PRKCE: variants seen among roughly 807,000 people sequenced by gnomAD.
The protein encoded by PRKCE is protein kinase C epsilon type.
A neutral mutation model predicts 85.4 loss-of-function variants in PRKCE; 16 were observed. That is an observed-to-expected ratio of 0.19 (90% CI 0.13 to 0.28). The LOEUF is 0.28. Ranked by LOEUF, PRKCE falls within the 10% of genes least tolerant of loss-of-function variation. The pLI is 1.00. For missense variants in PRKCE, 573 were observed against 975.2 expected (o/e 0.59, Z 5.49); for synonymous variants, 388 against 371.5 (o/e 1.04, Z -0.51).
chr2:46,173,497 T>A (rs1195179629), intron 14 of PRKCE, among the ~76,000 whole-genome samples: 1 of 152,234 alleles, frequency 6.6e-6, no homozygotes, highest in African/African-American at 2.4e-5. Flanking sequence ...GCATTGAAAG[T>A]CTCCTTGAAA....
Position 45,976,532 on chromosome 2 carries a change from C to G in PRKCE, c.516C>G (p.Phe172Leu). The stretch of plus-strand genomic sequence containing the variant: ...TCCATCAGGTCAACGGCCACAAGTT[C>G]ATGGCCACCTATCTTCGGCAGCCCA... ...RRVHQVNGHK[F>L]MATYLRQPTY... The change falls in exon 3 of 15, where the codon TTC (phenylalanine) becomes TTG (leucine). Residue 172 changes from phenylalanine to leucine, a missense_variant. Phe to Leu is a conservative substitution (Grantham distance 22). Transcript: ENST00000306156. 6.3e-7 allele frequency: 1 copy of G among 1,599,772 alleles called. No individual in the cohort carries two copies. The highest frequency in any genetic ancestry group is 8.5e-7 in the Non-Finnish European group (1 of 1,179,960).
chr2:46,153,796 T>C (rs1242573140), intron 13 of PRKCE, among the ~76,000 whole-genome samples: 3 of 143,008 alleles, frequency 2.1e-5, no homozygotes, highest in African/African-American at 5.2e-5. Context: ...TTTTTTTTTT[T>C]TTTTTTTTGA....
intron 1 of PRKCE, among the ~76,000 whole-genome samples, chr2:45,811,832 G>A (rs1368759257): frequency 6.6e-6 from 1 of 152,058 alleles, no homozygotes; most frequent in Non-Finnish European, 1.5e-5. Context: ...TTATTTTAAA[G>A]CCTTAAAATA....
chr2:46,064,996 G>C (rs1038948259), intron 10 of PRKCE, among the ~76,000 whole-genome samples: 2 of 152,174 alleles, frequency 1.3e-5, no homozygotes, highest in African/African-American at 2.4e-5. Flanking sequence ...TCATGTTCTA[G>C]CTTGAGAAGC....
At chr2:45,752,615 C>G (rs574573583) in intron 1 of PRKCE, among the ~76,000 whole-genome samples, 83 of 152,210 alleles carry the variant, frequency 5.5e-4, no homozygotes, top group African/African-American at 1.9e-3. Flanking sequence ...CTTGCTCAGC[C>G]AGAACATTCT....
At chr2:45,802,995 T>C (rs1227769550) in intron 1 of PRKCE, among the ~76,000 whole-genome samples, 1 of 152,242 alleles carries the variant, frequency 6.6e-6, no homozygotes, top group Non-Finnish European at 1.5e-5. Flanking sequence ...CAACTTAGAT[T>C]GGAGCCATTT....
chr2:46,061,104 C>CTTTTTTTTTTTTT (rs565280374), intron 10 of PRKCE, among the ~76,000 whole-genome samples: 25 of 103,476 alleles, frequency 2.4e-4, no homozygotes, highest in South Asian at 3.6e-4. Context: ...CTTTTTTTTC[C>CTTTTTTTTTTTTT]TTTTTTTTTT....
chr2:46,031,272 C>G (rs1259691672), intron 10 of PRKCE, among the ~76,000 whole-genome samples: 2 of 152,200 alleles, frequency 1.3e-5, no homozygotes, highest in African/African-American at 4.8e-5. Flanking sequence ...GGCTCTCAGC[C>G]TGCTGTCTTC....
intron 9 of PRKCE, among the ~76,000 whole-genome samples, chr2:46,008,694 T>C (rs867759534): frequency 6.6e-6 from 1 of 152,220 alleles, no homozygotes; most frequent in Admixed American, 6.5e-5. Context: ...TGGGGTTTAC[T>C]TAAATGGCAA....
At chr2:46,097,237 G>A (rs1480262875) in intron 11 of PRKCE, among the ~76,000 whole-genome samples, 1 of 152,030 alleles carries the variant, frequency 6.6e-6, no homozygotes, top group Non-Finnish European at 1.5e-5. Flanking sequence ...CTGCAAAGTC[G>A]GCAGGGTGCA....
In PRKCE at chr2:46,145,265, G is replaced by T. The variant is rs1284072271; in HGVS notation, c.1731+34G>T. 7 of 1,598,548 alleles carry T rather than the reference G, an allele frequency of 4.4e-6. No homozygotes were observed. The highest frequency in any genetic ancestry group is 5.9e-6 in the Non-Finnish European group (7 of 1,179,238). On this transcript the variant is annotated intron_variant, in intron 12 of 14. Transcript: ENST00000306156. This position sits in a 1 kb window ranked among gnomAD's most constrained non-coding sequence, Gnocchi z 4.6. ...TGTGTGCAAAGGTTCACCTCCTCCT[G>T]GTGCCAGGACCGAGGCAGGGGTCCA...
intron 1 of PRKCE, among the ~76,000 whole-genome samples, chr2:45,740,153 A>T (rs1268143868): frequency 4.0e-5 from 6 of 151,774 alleles, no homozygotes; most frequent in Non-Finnish European, 5.9e-5. Context: ...ATCTCAAAAA[A>T]AAAAAAAGGA....
intron 6 of PRKCE, among the ~76,000 whole-genome samples, chr2:45,986,782 G>A (rs1703360830): frequency 6.6e-6 from 1 of 152,090 alleles, no homozygotes; most frequent in East Asian, 1.9e-4. Flanking sequence ...TGAGCTTCCC[G>A]GCACCCCTGG....
At chr2:46,086,651 T>G (rs1440506810) in intron 11 of PRKCE, among the ~76,000 whole-genome samples, 1 of 152,108 alleles carries the variant, frequency 6.6e-6, no homozygotes, top group Admixed American at 6.5e-5. Flanking sequence ...GTGACCTTCG[T>G]TTTTCTCTCT....
At chr2:46,126,777 A>T (rs1673910032) in intron 11 of PRKCE, among the ~76,000 whole-genome samples, 1 of 152,168 alleles carries the variant, frequency 6.6e-6, no homozygotes, top group Admixed American at 6.5e-5. Flanking sequence ...TGGGAGGGTG[A>T]ATGCTACCGT....
chr2:45,990,429 G>C (rs533417114), intron 6 of PRKCE, among the ~76,000 whole-genome samples: 10 of 152,286 alleles, frequency 6.6e-5, no homozygotes, highest in Admixed American at 3.3e-4. Context: ...TTACATAAAA[G>C]CATGAACACT....
intron 2 of PRKCE, among the ~76,000 whole-genome samples, chr2:45,875,596 TTTGTTG>T (rs1253545067): frequency 6.6e-6 from 1 of 152,262 alleles, no homozygotes; most frequent in Non-Finnish European, 1.5e-5. Flanking sequence ...GATTGAGTTT[TTTGTTG>T]TTGTTGTTGT....
chr2:45,877,971 A>C (rs1243891185), intron 2 of PRKCE, among the ~76,000 whole-genome samples: 1 of 152,216 alleles, frequency 6.6e-6, no homozygotes, highest in Non-Finnish European at 1.5e-5. Context: ...TCATGATTGC[A>C]TCCTTGCCCT....
chr2:45,854,670 C>T (rs891945563), intron 2 of PRKCE, among the ~76,000 whole-genome samples: 2 of 152,166 alleles, frequency 1.3e-5, no homozygotes, highest in African/African-American at 2.4e-5. Flanking sequence ...GAAGACTTTC[C>T]GAATACGGGC....
Sources: gnomAD v4.1 joint callset for allele counts (sites outside exome capture counted in the v4.1 genomes callset) on GRCh38, gnomAD v4.1.1 for gene constraint, Gnocchi (gnomAD v3.1) non-coding constraint, MANE v1.5 for transcripts, NCBI Gene and HGNC (gene_info 2026-07-23, HGNC 2026-07-21) for gene names.